CNTN2: variants seen among roughly 807,000 people sequenced by gnomAD.
The protein encoded by CNTN2 is contactin 2, also known as contactin-2.
Under a neutral mutation model 117.5 loss-of-function variants are expected in CNTN2, and 53 were observed. The observed-to-expected ratio is 0.45, with a 90% confidence interval of 0.36 to 0.57. The LOEUF (loss-of-function observed/expected upper bound fraction) is 0.57. Ranked by LOEUF, CNTN2 falls within the 20% of genes least tolerant of loss-of-function variation. CNTN2 has a pLI of 0.00. For synonymous variants in CNTN2, 530 were observed against 561.7 expected, an observed-to-expected ratio of 0.94 and a Z score of 0.80; for missense variants, 1,106 against 1,404.3, an observed-to-expected ratio of 0.79 and a Z score of 3.39.
At position 205,070,449 on chromosome 1, in the gene CNTN2, G is replaced by T; in HGVS notation, c.2455G>T (p.Val819Leu). 1 of 1,613,914 alleles carries T rather than the reference G, an allele frequency of 6.2e-7. No homozygotes were observed. Among genetic ancestry groups the T allele is most frequent in the Non-Finnish European group, 8.5e-7 (1 of 1,179,930 alleles). The stretch of plus-strand genomic sequence containing the variant: ...AGAGCCCAGGGTGGCCCCTACCAAG[G>T]TGTGGGCCAAAGGGGTCTCATCCTC... ...EEEPRVAPTK[V>L]WAKGVSSSEM... Residue 819 changes from valine to leucine, a missense_variant, in exon 19 of 23, where the codon GTG (valine) becomes TTG (leucine). By Grantham distance (32) the Val-to-Leu change is conservative. Coordinates refer to ENST00000331830, the MANE Select transcript of CNTN2 (RefSeq NM_005076.5).
rs752064350 is a variant in CNTN2 at position 205,062,020 on chromosome 1, C to T, written c.1110+19C>T. On this transcript the variant is annotated intron_variant, in intron 9 of 22. Transcript: ENST00000331830. The stretch of plus-strand genomic sequence containing the variant: ...CTCCCAGGTAGGAGACATGGGGCTT[C>T]CCCCGACACATCACAACTGTCCTCT... 5 of 1,610,868 alleles carry T rather than the reference C, an allele frequency of 3.1e-6. No homozygotes were observed. Among genetic ancestry groups the T allele is most frequent in the East Asian group, 2.2e-5 (1 of 44,766 alleles).
At chr1:205,068,313 T>C (rs1403672434) in intron 16 of CNTN2, 1 of 152,204 alleles carries the variant, frequency 6.6e-6, no homozygotes, top group Non-Finnish European at 1.5e-5. Flanking sequence ...TACAGACCTG[T>C]TGCACTGGAT....
rs750605785 is a variant in CNTN2, at chr1:205,073,704, C to G, written c.3062C>G (p.Pro1021Arg). The G allele has an allele frequency of 1.2e-5, 20 of 1,614,164 alleles. No homozygotes were observed. Among genetic ancestry groups the G allele is most frequent in the Non-Finnish European group, 1.7e-5 (20 of 1,180,040 alleles). The change falls in exon 23 of 23, where the codon CCT becomes CGT. Residue 1021 changes from proline (P) to arginine (R), a missense_variant. By Grantham distance (103) the Pro-to-Arg change is moderately radical. Coordinates refer to ENST00000331830, the MANE Select transcript of CNTN2 (RefSeq NM_005076.5). The surrounding 1 kb of genome is among the most constrained non-coding windows in gnomAD (Gnocchi z 6.3). ...ENMAVRPAPH[P>R]GTVISHSVAM... ...ATGGCAGTCCGCCCAGCACCACACC[C>G]TGGCACCGTCATTTCCCACTCCGTG...
chr1:205,066,579 A>G lies in CNTN2; in HGVS notation c.1955A>G (p.Lys652Arg), dbSNP rs1310374334. 16 of 1,614,012 alleles carry G rather than the reference A, an allele frequency of 9.9e-6. No homozygotes were observed. Among genetic ancestry groups the G allele is most frequent in the Non-Finnish European group, 1.4e-5 (16 of 1,179,994 alleles). ...CAAGCTCGCACTCCACCTGCAGGGA[A>G]GTGGAAGCAGGTTCGGACCAGTAAG... The part of the protein sequence containing the change: ...TLQARTPPAG[K>R]WKQVRTNPAN... The change falls in exon 15 of 23, where the codon AAG becomes AGG. Residue 652 changes from lysine (K) to arginine (R), a missense_variant. Lys to Arg is a conservative substitution (Grantham distance 26). Coordinates refer to ENST00000331830, the MANE Select transcript of CNTN2 (RefSeq NM_005076.5).
chr1:205,063,340 T>C (rs926577134), intron 10 of CNTN2: 1 of 152,066 alleles, frequency 6.6e-6, no homozygotes, highest in African/African-American at 2.4e-5. Flanking sequence ...ATAAAGAAAA[T>C]CCAGGCAGGG....
rs1327222912 is a variant in CNTN2 at position 205,064,353 on chromosome 1, G to A, written c.1272G>A (p.Val424=). ...ALAPDFRLNP[V]RRLIPAARGG... ...CCCCTGACTTCAGGCTGAATCCCGT[G>A]AGGCGTCTGATCCCCGCGGCCCGCG... The change falls in exon 11 of 23, where the codon GTG becomes GTA. Residue 424 remains valine, a synonymous_variant. Transcript: ENST00000331830. The A allele has an allele frequency of 8.1e-6, 13 of 1,598,720 alleles. No individual in the cohort carries two copies. The highest frequency in any genetic ancestry group is 1.1e-5 in the Non-Finnish European group (13 of 1,169,242).
chr1:205,057,957 G>C lies in CNTN2; in HGVS notation c.107G>C (p.Gly36Ala). ...SSALGSQTTF[G>A]PVFEDQPLSV... The stretch of plus-strand genomic sequence containing the variant: ...GCCCTGGGATCCCAAACCACCTTCG[G>C]GCCTGTCTTTGAAGACCAGCCCCTC... The change falls in exon 3 of 23, where the codon GGG becomes GCG. Residue 36 changes from glycine (G) to alanine (A), a missense_variant. Gly to Ala is a moderately conservative substitution (Grantham distance 60). Coordinates refer to ENST00000331830, the MANE Select transcript of CNTN2 (RefSeq NM_005076.5). The C allele has an allele frequency of 6.2e-7, 1 of 1,614,088 alleles. No homozygotes were observed. The highest frequency in any genetic ancestry group is 8.5e-7 in the Non-Finnish European group (1 of 1,180,018).
intron 7 of CNTN2, chr1:205,060,082 T>C (rs1488807186): frequency 9.1e-6 from 2 of 220,440 alleles, no homozygotes; most frequent in Admixed American, 1.0e-4. Flanking sequence ...GTGGTGATAA[T>C]AGTACCTACC....
At chr1:205,060,558 C>CA (rs933608219) in intron 7 of CNTN2, 4 of 151,072 alleles carry the variant, frequency 2.6e-5, no homozygotes, top group South Asian at 2.1e-4. Flanking sequence ...ACTAAAAATA[C>CA]AAAAAAAACT....
At position 205,053,098 on chromosome 1, in the gene CNTN2, AG is replaced by A. The variant is rs781002196; in HGVS notation, c.-86del. ...AGCCCTCCTTTCTGTCTGCCTCCCC[AG>A]GTCCTTTCTCAGCCTCCAGCTGGGC... On this transcript the variant is annotated splice_acceptor_variant, in intron 1 of 22. Transcript: ENST00000331830. LOFTEE classifies it low-confidence loss of function (5UTR_SPLICE). 1.8e-5 allele frequency: 18 copies of A among 976,796 alleles called. No individual in the cohort carries two copies. In the East Asian group the frequency reaches 4.6e-4, roughly 25 times the overall value. 60.5% of individuals were successfully genotyped at this position (976,796 alleles called of 1,614,324 possible). A position where few individuals can be genotyped will look rare whatever the true frequency, so the allele number is the denominator to read the frequency against.
intron 1 of CNTN2, among the ~76,000 whole-genome samples, chr1:205,051,811 A>T (rs1574632885): frequency 1.3e-5 from 2 of 152,226 alleles, no homozygotes; most frequent in East Asian, 3.9e-4. Flanking sequence ...TCTCTTCCTG[A>T]GAAAATAGAG....
At position 205,070,066 on chromosome 1, in the gene CNTN2, G is replaced by T; in HGVS notation, c.2431+5G>T. 6.2e-7 allele frequency: 1 copy of T among 1,613,046 alleles called. No homozygotes were observed. Among genetic ancestry groups the T allele is most frequent in the African/African-American group, 1.3e-5 (1 of 75,062 alleles). ...TCGTGTACTCAGCTGAGGAAGGTGGGCTGCCCCTGGGCCCCCTGCTCGTCC... is the reference window on the plus strand; with the variant it reads ...TCGTGTACTCAGCTGAGGAAGGTGGTCTGCCCCTGGGCCCCCTGCTCGTCC... On this transcript the variant is annotated splice_donor_5th_base_variant and intron_variant, in intron 18 of 22. Coordinates refer to ENST00000331830, the MANE Select transcript of CNTN2 (RefSeq NM_005076.5).
In CNTN2 at chr1:205,075,198, G is replaced by A. The variant is rs1654795989; in HGVS notation, c.*1433G>A. 1 of 310,322 alleles carries A rather than the reference G, an allele frequency of 3.2e-6. No homozygotes were observed. Among genetic ancestry groups the A allele is most frequent in the East Asian group, 5.1e-5 (1 of 19,720 alleles). The allele number at this position is 310,322 out of a possible 1,614,324, so 19.2% of individuals were successfully genotyped here. ...AGGCACTGCTGAATGGCTATGGCCT[G>A]GCTAAGAAGGTGATTAGTCAGTAGG... On this transcript the variant is annotated 3_prime_UTR_variant, in exon 23 of 23. Transcript: ENST00000331830.
chr1:205,070,649 C>T (rs34709683), intron 19 of CNTN2, 111 bp downstream of exon 19: 1 of 744,374 alleles, frequency 1.3e-6, no homozygotes, highest in African/African-American at 1.7e-5. Context: ...GGTTCGCTGA[C>T]ATGGCAAACT....
At chr1:205,071,857 T>G in intron 19 of CNTN2, 90 bp from the exon 20 acceptor site, 1 of 1,270,338 alleles carries the variant, frequency 7.9e-7, no homozygotes, top group Non-Finnish European at 1.1e-6. Flanking sequence ...GGGACCAGGA[T>G]GAGCAAGAGA....
intron 1 of CNTN2, among the ~76,000 whole-genome samples, chr1:205,052,778 C>T (rs553317401): frequency 1.3e-4 from 20 of 152,302 alleles, no homozygotes; most frequent in Admixed American, 3.9e-4. Context: ...CAAGAGCTGA[C>T]GGGCGAGACG....
intron 1 of CNTN2, among the ~76,000 whole-genome samples, chr1:205,043,626 A>G (rs1236761742): frequency 6.6e-6 from 1 of 152,080 alleles, no homozygotes; most frequent in Non-Finnish European, 1.5e-5. Context: ...GGGCTCTCTC[A>G]GGCCGAGCCT....
intron 20 of CNTN2, 73 bp from the exon 21 acceptor site, chr1:205,072,410 C>T: frequency 1.6e-6 from 2 of 1,257,480 alleles, no homozygotes; most frequent in Non-Finnish European, 2.3e-6. Context: ...CAGAGAAGGG[C>T]TGGTTAAAGG....
In CNTN2 at chr1:205,058,258, T is replaced by A; in HGVS notation, c.293T>A (p.Met98Lys). The A allele has an allele frequency of 6.4e-7, 1 of 1,551,158 alleles. No individual in the cohort carries two copies. Among genetic ancestry groups the A allele is most frequent in the Non-Finnish European group, 8.7e-7 (1 of 1,149,162 alleles). Reference protein sequence around the residue: ...HQLVGGNLVIMNPTKAQDAGV... With the variant: ...HQLVGGNLVIKNPTKAQDAGV... ...CTGGTGGGGGGCAACCTGGTCATCA[T>A]GAACCCCACCAAGGCACAGGATGCC... Residue 98 changes from methionine (M) to lysine (K), a missense_variant, in exon 4 of 23, where the codon ATG becomes AAG. Transcript: ENST00000331830. The surrounding 1 kb of genome is among the most constrained non-coding windows in gnomAD (Gnocchi z 4.3).
Sources: allele counts gnomAD v4.1 joint callset (sites outside exome capture counted in the v4.1 genomes callset), GRCh38; gene constraint gnomAD v4.1.1; non-coding constraint Gnocchi (gnomAD v3.1); transcripts MANE v1.5; gene names NCBI Gene and HGNC (gene_info 2026-07-23, HGNC 2026-07-21).